MROH2B: variants seen among roughly 807,000 people sequenced by gnomAD.
MROH2B encodes maestro heat like repeat family member 2B, also known as maestro heat-like repeat-containing protein family member 2B.
A neutral mutation model predicts 208.6 loss-of-function variants in MROH2B; 177 were observed. The observed-to-expected ratio is 0.85, with a 90% CI of 0.75 to 0.96. The LOEUF is 0.96. MROH2B is among the 40% of genes least tolerant of loss of function. MROH2B has a pLI of 0.00. For synonymous variants in MROH2B, 728 were observed against 659.0 expected, an observed-to-expected ratio of 1.10 and a Z score of -1.60; for missense variants, 2,002 against 1,878.7, an observed-to-expected ratio of 1.07 and a Z score of -1.21.
intron 2 of MROH2B, among the ~76,000 whole-genome samples, chr5:41,069,440 G>C (rs1743914341): frequency 6.6e-6 from 1 of 152,074 alleles, no homozygotes; most frequent in Non-Finnish European, 1.5e-5. Flanking sequence ...TTCAACATCT[G>C]CCTGTATAAA....
intron 7 of MROH2B, among the ~76,000 whole-genome samples, chr5:41,057,563 C>CTTTTTTTTTTTTTTTTTTTTTTTTTTT (rs776904759): frequency 0.017 from 1,263 of 73,186 alleles, 359 homozygotes; most frequent in East Asian, 0.057. Flanking sequence ...AATATCCCTC[C>CTTTTTTTTTTTTTTTTTTTTTTTTTTT]TTTTTTTTTT....
intron 1 of MROH2B, among the ~76,000 whole-genome samples, chr5:41,070,026 TG>T (rs1303141573): frequency 2.0e-5 from 3 of 152,192 alleles, no homozygotes; most frequent in Admixed American, 6.5e-5. Context: ...TCCAGGCAAG[TG>T]GGCATTGCCT....
At chr5:41,019,343 TGAGA>T (rs143190915) in intron 24 of MROH2B, among the ~76,000 whole-genome samples, 1 of 144,104 alleles carries the variant, frequency 6.9e-6, no homozygotes, top group African/African-American at 2.4e-5. Context: ...TGTGTGTGTG[TGAGA>T]GAGAGTGAGA....
chr5:41,001,734 A>T (rs1361038176), intron 37 of MROH2B, among the ~76,000 whole-genome samples: 1 of 152,028 alleles, frequency 6.6e-6, no homozygotes, highest in Non-Finnish European at 1.5e-5. Flanking sequence ...GAAAGAAAAA[A>T]AAAAGAAAAC....
chr5:41,028,485 A>G (rs981011251), intron 24 of MROH2B, among the ~76,000 whole-genome samples: 5 of 152,194 alleles, frequency 3.3e-5, no homozygotes, highest in African/African-American at 9.7e-5. Context: ...AGAATAAAAC[A>G]GTAGCCACTG....
chr5:41,048,224 T>C (rs1434909370), intron 16 of MROH2B, 100 bp downstream of exon 16: 19 of 1,364,718 alleles, frequency 1.4e-5, no homozygotes, highest in Non-Finnish European at 1.8e-5. Context: ...ATCATTTTTA[T>C]TGCCTAAAAT....
intron 3 of MROH2B, 45 bp downstream of exon 3, chr5:41,067,063 T>C (rs1391205048): frequency 1.8e-6 from 2 of 1,091,452 alleles, no homozygotes; most frequent in Admixed American, 2.0e-5. Flanking sequence ...ATGGGTGCAG[T>C]TGGGTCACAT....
At chr5:41,055,906 A>G in intron 9 of MROH2B, 51 bp from the exon 10 acceptor site, 2 of 1,239,740 alleles carry the variant, frequency 1.6e-6, no homozygotes, top group Non-Finnish European at 2.4e-6. Context: ...TCCTAGGTAA[A>G]ATACTTGTGA....
intron 24 of MROH2B, among the ~76,000 whole-genome samples, chr5:41,019,517 T>A (rs1359613824): frequency 6.6e-6 from 1 of 152,218 alleles, no homozygotes; most frequent in Admixed American, 6.5e-5. Context: ...TAAATGACAA[T>A]GGAGTGTTTC....
chr5:41,022,649 C>A (rs957168577), intron 24 of MROH2B, among the ~76,000 whole-genome samples: 4 of 152,212 alleles, frequency 2.6e-5, no homozygotes, highest in African/African-American at 9.7e-5. Flanking sequence ...CAAAAGGCAG[C>A]AGAAACCTCT....
chr5:41,057,442 T>TCTCTCAAAACACAA, intron 7 of MROH2B, 82 bp from the exon 8 acceptor site: 1 of 1,103,886 alleles, frequency 9.1e-7, no homozygotes, highest in Non-Finnish European at 1.3e-6. Context: ...TAATTGTGTT[T>TCTCTCAAAACACAA]TGAGAGAAAA....
intron 24 of MROH2B, among the ~76,000 whole-genome samples, chr5:41,020,964 A>G (rs1742126495): frequency 6.6e-6 from 1 of 152,202 alleles, no homozygotes; most frequent in South Asian, 2.1e-4. Flanking sequence ...GCAAGGAAAA[A>G]TTAAAAAGGT....
At position 41,018,015 on chromosome 5, in the gene MROH2B, C is replaced by A; in HGVS notation, c.2764-45G>T. The A allele has an allele frequency of 2.6e-6, 4 of 1,551,592 alleles. No homozygotes were observed. The South Asian group carries it at 4.8e-5, about 19-fold the overall frequency. ...TCCTATTGTGATGGGGTAGCTTGGTCATATCCCAGGATGTTCCCAACACTG... is the reference window on the plus strand; with the variant it reads ...TCCTATTGTGATGGGGTAGCTTGGTAATATCCCAGGATGTTCCCAACACTG... On this transcript the variant is annotated intron_variant, in intron 27 of 41. Coordinates refer to ENST00000399564, the MANE Select transcript of MROH2B (RefSeq NM_173489.5).
chr5:41,028,304 G>A (rs867768291), intron 24 of MROH2B, among the ~76,000 whole-genome samples: 1 of 152,282 alleles, frequency 6.6e-6, no homozygotes, highest in Middle Eastern at 3.4e-3. Context: ...CGTGGCAAGA[G>A]CAAAAGTAGG....
At position 41,009,364 on chromosome 5, in the gene MROH2B, G is replaced by T; in HGVS notation, c.3336C>A (p.Ala1112=). 1.2e-6 allele frequency: 2 copies of T among 1,613,830 alleles called. No individual in the cohort carries two copies. Among genetic ancestry groups the T allele is most frequent in the South Asian group, 1.1e-5 (1 of 91,076 alleles). The change falls in exon 32 of 42, where the codon GCC becomes GCA. Residue 1112 remains alanine (A), a synonymous_variant. Coordinates refer to ENST00000399564, the MANE Select transcript of MROH2B (RefSeq NM_173489.5). ...AGGCTTGCAAGAGTTTCCCACTGGAGGCTGGCTTTTCAGCCAGCGCCTTCC... is the reference window on the plus strand; with the variant it reads ...AGGCTTGCAAGAGTTTCCCACTGGATGCTGGCTTTTCAGCCAGCGCCTTCC... ...TLWKALAEKP[A]SSGKLLQALI...
intron 24 of MROH2B, among the ~76,000 whole-genome samples, chr5:41,030,259 A>G (rs1742519081): frequency 6.6e-6 from 1 of 152,002 alleles, no homozygotes; most frequent in Non-Finnish European, 1.5e-5. Flanking sequence ...AAACCACAAG[A>G]AAATACCACC....
chr5:41,045,806 A>G lies in MROH2B; in HGVS notation c.1776T>C (p.Ile592=), dbSNP rs1176142799. The change falls in exon 18 of 42, where the codon ATT becomes ATC. Residue 592 remains isoleucine, a synonymous_variant. Transcript: ENST00000399564. ...LWKISDVAWT[I]QLTQDFKQQM... ...GCTGTTTGAAATCCTGAGTCAGCTG[A>G]ATGGTCCAGGCCACATCACTGATCT... 6.2e-7 allele frequency: 1 copy of G among 1,613,600 alleles called. No individual in the cohort carries two copies.
intron 31 of MROH2B, among the ~76,000 whole-genome samples, 159 bp downstream of exon 31, chr5:41,009,763 A>G (rs1384565695): frequency 6.6e-6 from 1 of 152,200 alleles, no homozygotes; most frequent in Non-Finnish European, 1.5e-5. Context: ...GCACTTGGAA[A>G]AACATTACTT....
chr5:41,065,949 A>C (rs1226677888), intron 3 of MROH2B, among the ~76,000 whole-genome samples: 2 of 152,174 alleles, frequency 1.3e-5, no homozygotes, highest in Non-Finnish European at 2.9e-5. Flanking sequence ...AACTCTTGGT[A>C]GGTGTTAGTA....
Sources: allele counts gnomAD v4.1 joint callset (sites outside exome capture counted in the v4.1 genomes callset), GRCh38; gene constraint gnomAD v4.1.1; transcripts MANE v1.5; gene names NCBI Gene and HGNC (gene_info 2026-07-23, HGNC 2026-07-21).